The following ABCA1 variants were observed in gnomAD, a reference collection of about 807,000 sequenced individuals.
The protein encoded by ABCA1 is phospholipid-transporting ATPase ABCA1.
Under a neutral mutation model 262.5 loss-of-function variants are expected in ABCA1, and 133 were observed. The observed-to-expected ratio is 0.51, with a 90% CI of 0.44 to 0.59. The LOEUF is 0.59. Ranked by LOEUF, ABCA1 falls within the 20% of genes least tolerant of loss-of-function variation. The probability of loss-of-function intolerance (pLI) is 0.00; values close to 1 mark genes in which losing one functional copy is unlikely to be tolerated. For missense variants in ABCA1, 2,452 were observed against 2,777.5 expected (o/e 0.88, Z 2.63); for synonymous variants, 1,022 against 1,043.5 (o/e 0.98, Z 0.40).
rs199849057 is a variant in ABCA1 at position 104,781,410 on chromosome 9, GATA to G, written c.*2902_*2904del. The stretch of plus-strand genomic sequence containing the variant: ...CTACAGTATTACATTATTACTAGTA[GATA>G]ATAACAAGGGTACAAATTAATGTCT... On this transcript the variant is annotated 3_prime_UTR_variant, in exon 50 of 50. Transcript: ENST00000374736. The G allele has an allele frequency of 1.1e-3, 169 of 149,660 alleles. 1 individual carries two copies. The highest frequency in any genetic ancestry group is 4.0e-3 in the African/African-American group (161 of 40,380). The allele number at this position is 149,660 out of a possible 1,614,324, so 9.3% of individuals were successfully genotyped here.
At chr9:104,922,902 A>G (rs1842221457) in intron 1 of ABCA1, among the ~76,000 whole-genome samples, 1 of 152,104 alleles carries the variant, frequency 6.6e-6, no homozygotes, top group Non-Finnish European at 1.5e-5. Flanking sequence ...TTGTTAGTAG[A>G]GACGGGGTTT....
intron 3 of ABCA1, among the ~76,000 whole-genome samples, chr9:104,885,464 C>A (rs1456895991): frequency 2.7e-5 from 4 of 150,142 alleles, no homozygotes; most frequent in Admixed American, 2.0e-4. Context: ...CAAAGCTCCT[C>A]AAGGGCACCT....
Position 104,850,769 on chromosome 9 carries a change from A to G in ABCA1, c.721-5200T>C, listed in dbSNP as rs4149288. ...TATTTCCAAAGAGCTTCAGTAAAAA[A>G]TTCACAGCTTGGAATTCCTACTATT... On this transcript the variant is annotated intron_variant, in intron 7 of 49. Coordinates refer to ENST00000374736, the MANE Select transcript of ABCA1 (RefSeq NM_005502.4). 5.1e-3 allele frequency among the ~76,000 whole-genome samples: 781 copies of G among 152,370 alleles called. 32 individuals carry two copies. In the East Asian group the frequency reaches 0.11, roughly 21 times the overall value.
chr9:104,835,189 G>A (rs1157029799), intron 11 of ABCA1, among the ~76,000 whole-genome samples: 5 of 151,534 alleles, frequency 3.3e-5, no homozygotes, highest in Non-Finnish European at 5.9e-5. Flanking sequence ...CGGAGGCTGT[G>A]GTGAGCCAAG....
chr9:104,807,345 C>A (rs1292195008), intron 30 of ABCA1, among the ~76,000 whole-genome samples: 1 of 152,202 alleles, frequency 6.6e-6, no homozygotes, highest in Non-Finnish European at 1.5e-5. Flanking sequence ...TCATCTCCAG[C>A]TCTGAATTAC....
At position 104,785,444 on chromosome 9, in the gene ABCA1, C is replaced by T. The variant is rs1467860684; in HGVS notation, c.6597G>A (p.Lys2199=). The T allele has an allele frequency of 6.2e-7, 1 of 1,609,980 alleles. No homozygotes were observed. The highest frequency in any genetic ancestry group is 1.3e-5 in the African/African-American group (1 of 74,782). Residue 2199 remains lysine (K), a synonymous_variant, in exon 49 of 50, where the codon AAG becomes AAA. Coordinates refer to ENST00000374736, the MANE Select transcript of ABCA1 (RefSeq NM_005502.4). ...RIFSILSQSK[K]RLHIEDYSVS... Reference sequence around the variant, plus strand: ...CAGAGTAGTCTTCTATGTGGAGTCGCTTTTTGCTCTGGGAGAGGATGCTGA... The same window carrying T: ...CAGAGTAGTCTTCTATGTGGAGTCGTTTTTTGCTCTGGGAGAGGATGCTGA...
chr9:104,809,203 A>C (rs1831054637), intron 30 of ABCA1, among the ~76,000 whole-genome samples: 1 of 152,264 alleles, frequency 6.6e-6, no homozygotes, highest in Admixed American at 6.5e-5. Flanking sequence ...AGTGCTATTT[A>C]AATTAAATAT....
intron 5 of ABCA1, among the ~76,000 whole-genome samples, chr9:104,882,056 A>AAAAAAAAAAAAAAAAAC (rs910844455): frequency 2.1e-5 from 3 of 144,538 alleles, no homozygotes; most frequent in Non-Finnish European, 4.6e-5. Context: ...AAAAAAAAAA[A>AAAAAAAAAAAAAAAAAC]ACTCAAATCT....
chr9:104,816,301 C>CT lies in ABCA1; in HGVS notation c.3579dup (p.Ala1194SerfsTer10), dbSNP rs1250989734. The CT allele has an allele frequency of 6.2e-7, 1 of 1,614,084 alleles. No individual in the cohort carries two copies. The highest frequency in any genetic ancestry group is 1.7e-5 in the Admixed American group (1 of 60,016). On this transcript the variant is annotated frameshift_variant, in exon 25 of 50. Coordinates refer to ENST00000374736, the MANE Select transcript of ABCA1 (RefSeq NM_005502.4). LOFTEE classifies it high-confidence loss of function. The stretch of plus-strand genomic sequence containing the variant: ...TGCCCTATGTCTTCCACCAGCCGGG[C>CT]TTCAGACACATGCTTCCTGATGAGG...
intron 1 of ABCA1, among the ~76,000 whole-genome samples, chr9:104,907,483 G>A (rs780009239): frequency 3.3e-5 from 5 of 152,168 alleles, no homozygotes; most frequent in Non-Finnish European, 5.9e-5. Flanking sequence ...AGCACTTGGG[G>A]ATGTCTGCTT....
At chr9:104,791,326 A>G (rs1261399836) in intron 43 of ABCA1, among the ~76,000 whole-genome samples, 1 of 152,242 alleles carries the variant, frequency 6.6e-6, no homozygotes, top group Non-Finnish European at 1.5e-5. Context: ...AAAAGGGCAT[A>G]AAAGAACACA....
intron 31 of ABCA1, among the ~76,000 whole-genome samples, chr9:104,805,177 C>G (rs1381899345): frequency 2.0e-5 from 3 of 152,130 alleles, no homozygotes; most frequent in African/African-American, 7.2e-5. Flanking sequence ...CAGGTTCAAG[C>G]AATTCTCCTG....
chr9:104,788,577 A>ATT lies in ABCA1; in HGVS notation c.5928-11_5928-10insAA, dbSNP rs753897940. 1.2e-6 allele frequency: 2 copies of ATT among 1,614,126 alleles called. No homozygotes were observed. Among genetic ancestry groups the ATT allele is most frequent in the South Asian group, 2.2e-5 (2 of 91,082 alleles). ...GATGTTTGATAAGATACTGCAAAGG[A>ATT]CAAGAAAACTACTTAGATTTTAAGC... On this transcript the variant is annotated splice_polypyrimidine_tract_variant and intron_variant, in intron 44 of 49. Transcript: ENST00000374736.
chr9:104,860,217 A>C (rs2472438), intron 6 of ABCA1, among the ~76,000 whole-genome samples: 58,139 of 151,738 alleles, frequency 0.38, 12,929 homozygotes, highest in African/African-American at 0.63. Context: ...AGAATACTGA[A>C]AATACAGAAA....
intron 16 of ABCA1, 137 bp downstream of exon 16, chr9:104,826,811 C>T (rs896680251): frequency 1.2e-5 from 10 of 835,040 alleles, no homozygotes; most frequent in South Asian, 8.6e-5. Context: ...CCTTAAAGAG[C>T]TTAGAATCTA....
At chr9:104,844,027 G>GAA (rs58449867) in intron 8 of ABCA1, among the ~76,000 whole-genome samples, 2 of 125,254 alleles carry the variant, frequency 1.6e-5, no homozygotes, top group Non-Finnish European at 3.6e-5. Flanking sequence ...TTTAATGCCA[G>GAA]AAAAAAAAAA....
At chr9:104,902,020 C>T (rs1883025) in intron 2 of ABCA1, among the ~76,000 whole-genome samples, 42,047 of 151,886 alleles carry the variant, frequency 0.28, 5,909 homozygotes, top group South Asian at 0.37. Flanking sequence ...CCACAGATTC[C>T]AGTCCCTGTT....
Position 104,822,612 on chromosome 9 carries a change from C to A in ABCA1, c.2712G>T (p.Leu904=). The change falls in exon 19 of 50, where the codon CTG becomes CTT. Residue 904 remains leucine, a synonymous_variant. Coordinates refer to ENST00000374736, the MANE Select transcript of ABCA1 (RefSeq NM_005502.4). The part of the protein sequence containing the change: ...HLKLGVSIQN[L]VKVYRDGMKV... ...TCATCCCATCTCGGTAGACTTTTAC[C>A]AGGTTCTGAATGGACACGCCCAGCT... is the stretch of plus-strand genomic sequence containing the variant. 6.2e-7 allele frequency: 1 copy of A among 1,614,074 alleles called. No homozygotes were observed. Among genetic ancestry groups the A allele is most frequent in the African/African-American group, 1.3e-5 (1 of 75,002 alleles).
Position 104,784,488 on chromosome 9 carries a change from A to G in ABCA1, c.6646-33T>C, listed in dbSNP as rs747315910. The G allele has an allele frequency of 1.4e-5, 22 of 1,613,504 alleles. No individual in the cohort carries two copies. In the Admixed American group the frequency reaches 2.0e-4, roughly 15 times the overall value. On this transcript the variant is annotated intron_variant, in intron 49 of 49. Coordinates refer to ENST00000374736, the MANE Select transcript of ABCA1 (RefSeq NM_005502.4). The stretch of plus-strand genomic sequence containing the variant: ...AAGATTAAGATGGACCTTTATAAAT[A>G]CCACTCAACTTGCTCATTCTTTATT...
Sources: gnomAD v4.1 joint callset for allele counts (sites outside exome capture counted in the v4.1 genomes callset) on GRCh38, gnomAD v4.1.1 for gene constraint, MANE v1.5 for transcripts, NCBI Gene and HGNC (gene_info 2026-07-23, HGNC 2026-07-21) for gene names.